Variants in CTTNBP2 observed in about 807,000 individuals in gnomAD.
CTTNBP2 encodes the protein cortactin-binding protein 2.
CTTNBP2 carries 108 observed loss-of-function variants against 156.9 expected under a neutral mutation model. The ratio of observed to expected loss-of-function variants is 0.69; its 90% confidence interval spans 0.59 to 0.81. CTTNBP2 has a LOEUF of 0.81. Among genes scored for constraint, CTTNBP2 ranks in the 30% least tolerant of loss-of-function variants. CTTNBP2 has a pLI of 0.00. For synonymous variants in CTTNBP2, 767 were observed against 751.8 expected (o/e 1.02, Z -0.33); for missense variants, 1,924 against 2,035.4 (o/e 0.95, Z 1.05).
chr7:117,713,568 A>G (rs1489482600), intron 22 of CTTNBP2, among the ~76,000 whole-genome samples: 2 of 152,208 alleles, frequency 1.3e-5, no homozygotes, highest in African/African-American at 2.4e-5. Context: ...CAAAATGGGC[A>G]GAGAATTATG....
At chr7:117,794,747 T>C (rs556921287) in intron 3 of CTTNBP2, among the ~76,000 whole-genome samples, 3 of 152,352 alleles carry the variant, frequency 2.0e-5, no homozygotes, top group South Asian at 4.1e-4. Flanking sequence ...ATCAGGAATA[T>C]AGATTATTCC....
intron 3 of CTTNBP2, among the ~76,000 whole-genome samples, chr7:117,807,972 T>C (rs1563027821): frequency 6.6e-6 from 1 of 152,326 alleles, no homozygotes; most frequent in East Asian, 1.9e-4. Flanking sequence ...AAACTAAGAA[T>C]CCTGTCTGAG....
chr7:117,858,205 C>T (rs1037118395), intron 2 of CTTNBP2, among the ~76,000 whole-genome samples: 10 of 152,126 alleles, frequency 6.6e-5, no homozygotes, highest in Admixed American at 5.2e-4. Context: ...CCTGTCTCTA[C>T]TAAAAATACA....
intron 14 of CTTNBP2, among the ~76,000 whole-genome samples, chr7:117,741,045 T>C (rs1276340077): frequency 6.6e-6 from 1 of 152,160 alleles, no homozygotes; most frequent in East Asian, 1.9e-4. Flanking sequence ...TTCTGGAGCC[T>C]TGGGAGTATA....
intron 2 of CTTNBP2, among the ~76,000 whole-genome samples, chr7:117,830,209 A>AC (rs2117071612): frequency 6.6e-6 from 1 of 152,328 alleles, no homozygotes; most frequent in African/African-American, 2.4e-5. Context: ...CTAAAAATAG[A>AC]TTTTTAAAAT....
At chr7:117,755,663 TAGTA>T in intron 12 of CTTNBP2, 4 of 430,704 alleles carry the variant, frequency 9.3e-6, no homozygotes, top group Non-Finnish European at 1.8e-5. Flanking sequence ...GCCTGGCATG[TAGTA>T]AGTATTTAAT....
chr7:117,817,916 C>T (rs1285793731), intron 2 of CTTNBP2, among the ~76,000 whole-genome samples: 3 of 152,130 alleles, frequency 2.0e-5, no homozygotes, highest in Non-Finnish European at 4.4e-5. Flanking sequence ...TTAACAGCAG[C>T]TGATACTCAA....
intron 4 of CTTNBP2, among the ~76,000 whole-genome samples, chr7:117,787,911 G>C (rs2116838107): frequency 6.6e-6 from 1 of 152,300 alleles, no homozygotes; most frequent in East Asian, 1.9e-4. Context: ...CAAGGAGGGA[G>C]AGGTAGTTTG....
chr7:117,800,655 G>A (rs1379856439), intron 3 of CTTNBP2, among the ~76,000 whole-genome samples: 4 of 152,000 alleles, frequency 2.6e-5, no homozygotes, highest in Admixed American at 1.3e-4. Context: ...GTGAAAATCG[G>A]GTTTCTCACT....
At chr7:117,827,431 T>A (rs932081260) in intron 2 of CTTNBP2, among the ~76,000 whole-genome samples, 1 of 152,242 alleles carries the variant, frequency 6.6e-6, no homozygotes, top group Admixed American at 6.5e-5. Context: ...TATTTGGCTT[T>A]GATCATGTGT....
chr7:117,775,585 T>C (rs1441490410), intron 8 of CTTNBP2, among the ~76,000 whole-genome samples: 5 of 94,210 alleles, frequency 5.3e-5, no homozygotes, highest in African/African-American at 3.0e-4. Flanking sequence ...TTGTTTTTCC[T>C]TTTTTTTTTT....
rs370542240 is a variant in CTTNBP2, at chr7:117,843,957, T to C, written c.189+17252A>G. Among the ~76,000 whole-genome samples the C allele has an allele frequency of 1.6e-4, 25 of 152,184 alleles. 1 individual carries two copies. Among genetic ancestry groups the C allele is most frequent in the East Asian group, 1.3e-3 (7 of 5,190 alleles). On this transcript the variant is annotated intron_variant, in intron 2 of 22. Transcript: ENST00000160373. ...CTTGAGATGGGAAGACTATCCCATATGGGCTGGTCAAATGTAACAGCAAGG... is the reference window on the plus strand; with the variant it reads ...CTTGAGATGGGAAGACTATCCCATACGGGCTGGTCAAATGTAACAGCAAGG...
intron 19 of CTTNBP2, among the ~76,000 whole-genome samples, chr7:117,723,155 A>T (rs1489277387): frequency 6.6e-6 from 1 of 152,160 alleles, no homozygotes; most frequent in East Asian, 1.9e-4. Flanking sequence ...CTTATTATCA[A>T]TATAAAATAC....
intron 2 of CTTNBP2, among the ~76,000 whole-genome samples, chr7:117,856,090 C>T (rs10233278): frequency 0.49 from 74,077 of 151,960 alleles, 18,522 homozygotes; most frequent in South Asian, 0.74. Flanking sequence ...GTTAATGTTG[C>T]CCCAAGTCCT....
At chr7:117,773,700 C>CAT in intron 8 of CTTNBP2, among the ~76,000 whole-genome samples, 1 of 125,622 alleles carries the variant, frequency 8.0e-6, no homozygotes, top group South Asian at 2.3e-4. Context: ...CACACACACA[C>CAT]ACACACACCC....
chr7:117,795,949 C>A (rs1344085421), intron 3 of CTTNBP2, among the ~76,000 whole-genome samples: 1 of 152,186 alleles, frequency 6.6e-6, no homozygotes, highest in African/African-American at 2.4e-5. Flanking sequence ...GCTTCCTCTG[C>A]CATTTACTAC....
chr7:117,806,377 T>C (rs1799940912), intron 3 of CTTNBP2, among the ~76,000 whole-genome samples: 1 of 152,218 alleles, frequency 6.6e-6, no homozygotes, highest in Admixed American at 6.5e-5. Context: ...TACAGCCATT[T>C]ATAAATTGAG....
intron 1 of CTTNBP2, among the ~76,000 whole-genome samples, chr7:117,871,041 T>C (rs771859894): frequency 1.3e-5 from 2 of 152,254 alleles, no homozygotes; most frequent in Non-Finnish European, 2.9e-5. Context: ...AGAGCTTCCA[T>C]TGACTCCTTA....
chr7:117,724,937 G>A, intron 18 of CTTNBP2, 115 bp downstream of exon 18: 1 of 1,094,354 alleles, frequency 9.1e-7, no homozygotes, highest in South Asian at 1.5e-5. Flanking sequence ...CTGGAACACT[G>A]CTATAAGATG....
Sources: allele counts gnomAD v4.1 joint callset (sites outside exome capture counted in the v4.1 genomes callset), GRCh38; gene constraint gnomAD v4.1.1; transcripts MANE v1.5; gene names NCBI Gene and HGNC (gene_info 2026-07-23, HGNC 2026-07-21).